The following MAST4 variants were observed in gnomAD, a reference collection of about 807,000 sequenced individuals.
MAST4 encodes the protein microtubule-associated serine/threonine-protein kinase 4.
MAST4 carries 89 observed loss-of-function variants against 162.7 expected under a neutral mutation model. That is an observed-to-expected ratio of 0.55 (90% CI 0.46 to 0.65). The LOEUF (loss-of-function observed/expected upper bound fraction) is 0.65. Among genes scored for constraint, MAST4 ranks in the 30% least tolerant of loss-of-function variants. MAST4 has a pLI of 0.00. For missense variants in MAST4, 3,153 were observed against 3,374.0 expected (o/e 0.93, Z 1.62); for synonymous variants, 1,479 against 1,361.1 (o/e 1.09, Z -1.91).
At chr5:66,847,462 A>G (rs1758938894) in intron 3 of MAST4, among the ~76,000 whole-genome samples, 1 of 152,290 alleles carries the variant, frequency 6.6e-6, no homozygotes, top group Non-Finnish European at 1.5e-5. Flanking sequence ...GCAAAACCCC[A>G]TCTCTACTAA....
At chr5:66,924,350 G>T in intron 4 of MAST4, among the ~76,000 whole-genome samples, 1 of 151,958 alleles carries the variant, frequency 6.6e-6, no homozygotes, top group South Asian at 2.1e-4. Context: ...TAAAAAAATA[G>T]AATTTATAAT....
intron 1 of MAST4, among the ~76,000 whole-genome samples, chr5:66,610,038 T>C (rs1411671040): frequency 6.6e-6 from 1 of 152,072 alleles, no homozygotes; most frequent in Admixed American, 6.5e-5. Flanking sequence ...TGCAAAATTA[T>C]TTGCAGTTTT....
chr5:66,687,505 TATAC>T (rs1020483557), intron 1 of MAST4, among the ~76,000 whole-genome samples: 2 of 151,976 alleles, frequency 1.3e-5, no homozygotes, highest in Non-Finnish European at 2.9e-5. Context: ...TATATGTATG[TATAC>T]ATAGATGTGT....
At chr5:66,826,426 G>A (rs1200500083) in intron 3 of MAST4, among the ~76,000 whole-genome samples, 1 of 152,068 alleles carries the variant, frequency 6.6e-6, no homozygotes, top group Non-Finnish European at 1.5e-5. Context: ...TGCCTAAGAT[G>A]CATGCACGTC....
chr5:66,702,288 C>T (rs151212653), intron 1 of MAST4, among the ~76,000 whole-genome samples: 2 of 152,240 alleles, frequency 1.3e-5, no homozygotes, highest in African/African-American at 4.8e-5. Flanking sequence ...TTATTACCAC[C>T]AAGTATTTAT....
chr5:66,925,636 T>G (rs760085195), intron 4 of MAST4, among the ~76,000 whole-genome samples: 1 of 152,168 alleles, frequency 6.6e-6, no homozygotes, highest in Non-Finnish European at 1.5e-5. Flanking sequence ...GATATATCAT[T>G]AATGTAACTT....
intron 10 of MAST4, among the ~76,000 whole-genome samples, chr5:67,107,893 G>T (rs1765774092): frequency 6.6e-6 from 1 of 152,198 alleles, no homozygotes; most frequent in Admixed American, 6.5e-5. Context: ...ATGTTTTGTA[G>T]TGGCCAACCC....
chr5:67,011,788 C>A (rs1581193617), intron 4 of MAST4, among the ~76,000 whole-genome samples: 1 of 152,130 alleles, frequency 6.6e-6, no homozygotes. Flanking sequence ...GTGAAACTTA[C>A]AGTAGGAGAT....
At chr5:66,750,229 G>T (rs1753049390) in intron 1 of MAST4, among the ~76,000 whole-genome samples, 1 of 152,124 alleles carries the variant, frequency 6.6e-6, no homozygotes, top group South Asian at 2.1e-4. Flanking sequence ...TTGAACTAAT[G>T]AACTTTGGCC....
At chr5:66,603,158 C>T (rs1233992255) in intron 1 of MAST4, among the ~76,000 whole-genome samples, 2 of 152,300 alleles carry the variant, frequency 1.3e-5, no homozygotes, top group South Asian at 2.1e-4. Flanking sequence ...TCCTGGCAGG[C>T]TTTCATTCAT....
intron 4 of MAST4, among the ~76,000 whole-genome samples, chr5:66,994,578 C>T (rs1486714512): frequency 1.3e-5 from 2 of 152,124 alleles, no homozygotes; most frequent in African/African-American, 4.8e-5. Context: ...TTTTTGATCA[C>T]CAGGAACTTT....
intron 5 of MAST4, among the ~76,000 whole-genome samples, chr5:67,078,915 T>TATATATATATATATA (rs1561621981): frequency 1.1e-4 from 3 of 28,540 alleles, no homozygotes; most frequent in Non-Finnish European, 2.4e-4. Context: ...TATATAAATA[T>TATATATATATATATA]ATATATATAT....
intron 4 of MAST4, among the ~76,000 whole-genome samples, chr5:67,049,950 C>T (rs1372238470): frequency 6.6e-6 from 1 of 152,168 alleles, no homozygotes; most frequent in Non-Finnish European, 1.5e-5. Flanking sequence ...AGACAAGTGG[C>T]AGACCCAGGT....
At chr5:66,849,134 G>A (rs557787092) in intron 3 of MAST4, among the ~76,000 whole-genome samples, 1 of 152,296 alleles carries the variant, frequency 6.6e-6, no homozygotes, top group Admixed American at 6.5e-5. Context: ...TTTGTATTGT[G>A]ATGAGGGGGT....
chr5:66,950,262 G>T lies in MAST4; in HGVS notation c.674+50280G>T, dbSNP rs151029185. ...TTTTTCTTTTTTTTCTTAGTTGTGG[G>T]GAATATACCTAACATAAAATTTTTG... On this transcript the variant is annotated intron_variant, in intron 4 of 28. Coordinates refer to ENST00000403625, the MANE Select transcript of MAST4 (RefSeq NM_001164664.2). Among the ~76,000 whole-genome samples, 12 of 151,298 alleles carry T rather than the reference G, an allele frequency of 7.9e-5. No individual in the cohort carries two copies. The East Asian group carries it at 2.3e-3, about 29-fold the overall frequency.
At chr5:66,850,824 C>T (rs1759251152) in intron 3 of MAST4, among the ~76,000 whole-genome samples, 1 of 151,924 alleles carries the variant, frequency 6.6e-6, no homozygotes, top group South Asian at 2.1e-4. Flanking sequence ...TCTTGCCTAA[C>T]AGAAATTACT....
chr5:66,648,071 T>TGAGA (rs1300471712), intron 1 of MAST4, among the ~76,000 whole-genome samples: 7 of 90,000 alleles, frequency 7.8e-5, no homozygotes, highest in African/African-American at 3.2e-4. Flanking sequence ...TGTGTGTGTG[T>TGAGA]GTGTGTGTGT....
At chr5:66,634,328 G>A (rs945282361) in intron 1 of MAST4, among the ~76,000 whole-genome samples, 1 of 151,968 alleles carries the variant, frequency 6.6e-6, no homozygotes, top group African/African-American at 2.4e-5. Flanking sequence ...CATAGTGCTG[G>A]GATTGCAGGT....
Position 67,054,445 on chromosome 5 carries a change from A to G in MAST4, c.716A>G (p.Gln239Arg). The G allele has an allele frequency of 6.2e-7, 1 of 1,611,612 alleles. No individual in the cohort carries two copies. The highest frequency in any genetic ancestry group is 8.5e-7 in the Non-Finnish European group (1 of 1,178,948). Reference sequence around the variant, plus strand: ...CGGAAAAGCTTAATAGGCAATGGGCAGTCACCAGCATTGCCTCGACCACAC... The same window carrying G: ...CGGAAAAGCTTAATAGGCAATGGGCGGTCACCAGCATTGCCTCGACCACAC... ...SNRKSLIGNG[Q>R]SPALPRPHSP... The change falls in exon 5 of 29, where the codon CAG (glutamine) becomes CGG (arginine). Residue 239 changes from glutamine (Q) to arginine (R), a missense_variant. Around this residue, in one of 7 missense-constraint regions of MAST4, gnomAD observed 360 missense variants for 450.0 expected, o/e 0.80. Transcript: ENST00000403625.
Sources: gnomAD v4.1 joint callset for allele counts (sites outside exome capture counted in the v4.1 genomes callset) on GRCh38, gnomAD v4.1.1 for gene constraint, gnomAD v4.1.1 regional missense constraint, MANE v1.5 for transcripts, NCBI Gene and HGNC (gene_info 2026-07-23, HGNC 2026-07-21) for gene names.